The following TCF12 variants were observed in gnomAD, a reference collection of about 807,000 sequenced individuals.
TCF12 encodes the protein transcription factor 12.
A neutral mutation model predicts 86.0 loss-of-function variants in TCF12; 45 were observed. That is an observed-to-expected ratio of 0.52 (90% confidence interval 0.41 to 0.67). TCF12 has a LOEUF of 0.67. TCF12 is among the 30% of genes least tolerant of loss of function. TCF12 has a pLI of 0.00. For synonymous variants in TCF12, 330 were observed against 299.6 expected, an observed-to-expected ratio of 1.10 and a Z score of -1.05; for missense variants, 881 against 859.9, an observed-to-expected ratio of 1.02 and a Z score of -0.31.
Position 57,114,918 on chromosome 15 carries a change from A to AT in TCF12, c.325+23040dup, listed in dbSNP as rs530038287. On this transcript the variant is annotated intron_variant, in intron 5 of 20. Transcript: ENST00000333725. The stretch of plus-strand genomic sequence containing the variant: ...TACCAAACTCAGGACTAAAATGAGG[A>AT]TTTTTTTTTTTTTGGTAATGCAACA... 7.7e-3 allele frequency among the ~76,000 whole-genome samples: 1,118 copies of AT among 145,892 alleles called. 9 individuals are homozygous for AT. The highest frequency in any genetic ancestry group is 0.021 in the African/African-American group (842 of 40,024).
chr15:56,918,128 C>A, upstream of TCF12: 1 of 446,372 alleles, frequency 2.2e-6, no homozygotes, highest in East Asian at 7.2e-5. Flanking sequence ...TCTCCACACG[C>A]GCGGTGTCTG....
chr15:56,936,783 T>A (rs1223801593), intron 3 of TCF12, among the ~76,000 whole-genome samples: 7 of 152,026 alleles, frequency 4.6e-5, no homozygotes, highest in Admixed American at 3.9e-4. Flanking sequence ...AGATCGGCTT[T>A]AAGTATTTGG....
intron 7 of TCF12, among the ~76,000 whole-genome samples, chr15:57,194,708 A>G (rs1310736878): frequency 1.3e-5 from 2 of 152,130 alleles, no homozygotes; most frequent in Non-Finnish European, 2.9e-5. Flanking sequence ...TCAGTCTCAT[A>G]CTTGTGTTAG....
chr15:57,075,837 T>TCCC (rs758162950), intron 4 of TCF12, among the ~76,000 whole-genome samples: 1 of 108,516 alleles, frequency 9.2e-6, no homozygotes, highest in African/African-American at 3.9e-5. Context: ...TCTCTCTCTT[T>TCCC]TCTTTCTTTC....
At chr15:57,090,402 A>G (rs544523516) in intron 4 of TCF12, among the ~76,000 whole-genome samples, 11 of 152,326 alleles carry the variant, frequency 7.2e-5, no homozygotes, top group African/African-American at 2.4e-4. Context: ...CTTCTTGAAT[A>G]TCTATCACAT....
At chr15:57,274,620 G>A (rs1274977578) in intron 19 of TCF12, among the ~76,000 whole-genome samples, 1 of 152,070 alleles carries the variant, frequency 6.6e-6, no homozygotes, top group Non-Finnish European at 1.5e-5. Context: ...GACACCCTTT[G>A]TCTCGCTCTG....
rs552504389 is a variant in TCF12, at chr15:56,936,778, G to A, written c.148+15680G>A. Reference sequence around the variant, plus strand: ...GTTTTTGTTTGCTTTGTTGAAGATCGGCTTTAAGTATTTGGGTTTATTTCT... The same window carrying A: ...GTTTTTGTTTGCTTTGTTGAAGATCAGCTTTAAGTATTTGGGTTTATTTCT... On this transcript the variant is annotated intron_variant, in intron 3 of 20. Transcript: ENST00000333725. 9.2e-4 allele frequency among the ~76,000 whole-genome samples: 139 copies of A among 151,780 alleles called. 1 individual carries two copies. Among genetic ancestry groups the A allele is most frequent in the Non-Finnish European group, 1.9e-3 (128 of 67,786 alleles).
intron 5 of TCF12, among the ~76,000 whole-genome samples, chr15:57,156,381 G>C (rs1358915769): frequency 6.6e-6 from 1 of 152,162 alleles, no homozygotes; most frequent in Admixed American, 6.5e-5. Flanking sequence ...AATGACTTAT[G>C]TATCTCACAT....
intron 19 of TCF12, chr15:57,282,140 T>G: frequency 2.6e-6 from 1 of 387,380 alleles, no homozygotes; most frequent in Non-Finnish European, 4.8e-6. Flanking sequence ...AGAGACTTGG[T>G]AGCCTAATAA....
chr15:57,137,407 G>C (rs1389163022), intron 5 of TCF12, among the ~76,000 whole-genome samples: 1 of 152,002 alleles, frequency 6.6e-6, no homozygotes, highest in South Asian at 2.1e-4. Flanking sequence ...TTTCCACTTT[G>C]GTAAAAGTTT....
chr15:57,068,077 G>A (rs143470146), intron 4 of TCF12, among the ~76,000 whole-genome samples: 6 of 152,144 alleles, frequency 3.9e-5, no homozygotes, highest in Non-Finnish European at 8.8e-5. Context: ...TGCTTAAGAG[G>A]GCAGACTGTG....
intron 5 of TCF12, among the ~76,000 whole-genome samples, chr15:57,140,191 G>A (rs570917326): frequency 1.3e-5 from 2 of 152,268 alleles, no homozygotes; most frequent in Non-Finnish European, 2.9e-5. Context: ...ACAAAATGTG[G>A]TATATGCATA....
intron 18 of TCF12, among the ~76,000 whole-genome samples, chr15:57,267,853 G>C (rs1342872264): frequency 1.1e-4 from 16 of 152,194 alleles, no homozygotes; most frequent in Non-Finnish European, 1.9e-4. Context: ...CTTTGGGCAA[G>C]TCTTTGAGCT....
At chr15:57,089,830 T>A (rs969807309) in intron 4 of TCF12, among the ~76,000 whole-genome samples, 2 of 152,152 alleles carry the variant, frequency 1.3e-5, no homozygotes, top group Non-Finnish European at 2.9e-5. Context: ...ACTGTGTGCC[T>A]AAGAATGGCA....
intron 15 of TCF12, among the ~76,000 whole-genome samples, chr15:57,252,740 GTGTGTA>G (rs1232044436): frequency 6.6e-6 from 1 of 152,090 alleles, no homozygotes; most frequent in Non-Finnish European, 1.5e-5. Context: ...TATGGGGCAT[GTGTGTA>G]TCCACAGACA....
At position 57,208,744 on chromosome 15, in the gene TCF12, G is replaced by C. The variant is rs559886553; in HGVS notation, c.579+10919G>C. Among the ~76,000 whole-genome samples the C allele has an allele frequency of 1.8e-4, 28 of 151,460 alleles. No individual in the cohort carries two copies. In the South Asian group the frequency reaches 4.0e-3, roughly 22 times the overall value. On this transcript the variant is annotated intron_variant, in intron 8 of 20. Coordinates refer to ENST00000333725, the MANE Select transcript of TCF12 (RefSeq NM_207037.2). ...TTCTTTTGAAACAGGAATTCAGTCT[G>C]TGGTCCAGGCTGGAGTACAGTGGTG...
At chr15:57,099,626 A>C (rs1400363973) in intron 5 of TCF12, among the ~76,000 whole-genome samples, 2 of 152,100 alleles carry the variant, frequency 1.3e-5, no homozygotes, top group Non-Finnish European at 2.9e-5. Context: ...TTCACATTTG[A>C]ATCTTGTTGA....
chr15:57,061,292 G>A (rs1042549018), intron 3 of TCF12, among the ~76,000 whole-genome samples: 3 of 152,080 alleles, frequency 2.0e-5, no homozygotes, highest in African/African-American at 7.2e-5. Context: ...TTTTACAAAT[G>A]TATTTAAAAT....
At chr15:56,955,864 A>G (rs1763038907) in intron 3 of TCF12, among the ~76,000 whole-genome samples, 1 of 152,130 alleles carries the variant, frequency 6.6e-6, no homozygotes, top group Admixed American at 6.5e-5. Context: ...TGAATTTTGT[A>G]TTTATCCTTG....
Sources: allele counts gnomAD v4.1 joint callset (sites outside exome capture counted in the v4.1 genomes callset), GRCh38; gene constraint gnomAD v4.1.1; transcripts MANE v1.5; gene names NCBI Gene and HGNC (gene_info 2026-07-23, HGNC 2026-07-21).